Variants in XNDC1N observed in about 807,000 individuals in gnomAD.
The protein encoded by XNDC1N is XRCC1 N-terminal domain containing 1, N-terminal like.
At chr11:71,915,492 C>G in the XNDC1N span, among the ~76,000 whole-genome samples, 4 of 151,678 alleles carry the variant, frequency 2.6e-5, no homozygotes, top group Non-Finnish European at 5.9e-5. Flanking sequence ...ACTGAAGGTT[C>G]AGAAAATTGT....
At chr11:71,927,589 C>T in the XNDC1N span, 7 of 151,302 alleles carry the variant, frequency 4.6e-5, no homozygotes, top group Admixed American at 3.9e-4. Context: ...ATAGTCATGG[C>T]TACATATAAT....
the XNDC1N span, among the ~76,000 whole-genome samples, chr11:71,899,599 A>G: frequency 1.3e-5 from 2 of 152,338 alleles, no homozygotes; most frequent in African/African-American, 4.8e-5. Flanking sequence ...CCTTGTTAAC[A>G]AGATGTTTCC....
the XNDC1N span, among the ~76,000 whole-genome samples, chr11:71,897,092 A>C: frequency 1.3e-5 from 2 of 152,234 alleles, no homozygotes; most frequent in East Asian, 3.8e-4. Context: ...ACTGGATCAG[A>C]GACCTCACCC....
the XNDC1N span, chr11:71,917,624 C>A: frequency 1.4e-6 from 1 of 703,670 alleles, no homozygotes; most frequent in South Asian, 1.5e-5. Flanking sequence ...TCTTTACCAT[C>A]TTTAAACATG....
the XNDC1N span, chr11:71,894,084 G>T: frequency 9.9e-4 from 491 of 495,898 alleles, 7 homozygotes; most frequent in South Asian, 8.9e-3. Context: ...ATAATACTAT[G>T]TTTGGTTTTC....
At chr11:71,869,275 C>T in the XNDC1N span, among the ~76,000 whole-genome samples, 13 of 151,832 alleles carry the variant, frequency 8.6e-5, no homozygotes, top group East Asian at 2.3e-3. Flanking sequence ...TTGTTCAATT[C>T]CCACCTATGA....
At chr11:71,876,299 G>T in the XNDC1N span, among the ~76,000 whole-genome samples, 1 of 152,054 alleles carries the variant, frequency 6.6e-6, no homozygotes, top group Non-Finnish European at 1.5e-5. Context: ...TTGATAGCTT[G>T]ATAGCTATCT....
the XNDC1N span, chr11:71,917,745 A>G: frequency 4.3e-6 from 3 of 703,272 alleles, no homozygotes; most frequent in Admixed American, 6.0e-5. Context: ...AATGGCCCAC[A>G]TCAATTTGCA....
chr11:71,867,371 C>A, the XNDC1N span, among the ~76,000 whole-genome samples: 3 of 152,290 alleles, frequency 2.0e-5, no homozygotes, highest in African/African-American at 4.8e-5. Context: ...GAGGTCATGA[C>A]AACCCACTAG....
chr11:71,912,864 T>A, the XNDC1N span, among the ~76,000 whole-genome samples: 1,868 of 152,184 alleles, frequency 0.012, 14 homozygotes, highest in Non-Finnish European at 0.019. Flanking sequence ...AGTATCATCC[T>A]CTCCCCCTTG....
the XNDC1N span, among the ~76,000 whole-genome samples, chr11:71,873,668 T>A: frequency 6.6e-6 from 1 of 152,058 alleles, no homozygotes; most frequent in East Asian, 1.9e-4. Flanking sequence ...TTTGAAATGT[T>A]TATGGAAGAG....
chr11:71,875,890 G>T, the XNDC1N span, among the ~76,000 whole-genome samples: 1 of 152,146 alleles, frequency 6.6e-6, no homozygotes, highest in African/African-American at 2.4e-5. Flanking sequence ...GTTGGGTGTG[G>T]TGGCACACAC....
the XNDC1N span, chr11:71,894,207 AGTT>A: frequency 1.5e-6 from 1 of 689,200 alleles, no homozygotes; most frequent in Non-Finnish European, 2.1e-6. Context: ...CTCACCTAGC[AGTT>A]GTTTGCTGAT....
At chr11:71,882,350 G>A in the XNDC1N span, among the ~76,000 whole-genome samples, 1 of 152,042 alleles carries the variant, frequency 6.6e-6, no homozygotes, top group African/African-American at 2.4e-5. Context: ...TCCGCTTCCT[G>A]GGTCCAAGCA....
the XNDC1N span, among the ~76,000 whole-genome samples, chr11:71,891,387 A>T: frequency 4.6e-5 from 7 of 152,106 alleles, no homozygotes; most frequent in East Asian, 1.4e-3. Flanking sequence ...TGGGAGTAAG[A>T]TCATCCTCTC....
chr11:71,868,309 G>C, the XNDC1N span, among the ~76,000 whole-genome samples: 10 of 152,194 alleles, frequency 6.6e-5, no homozygotes, highest in Non-Finnish European at 5.9e-5. Context: ...TATGTGTGGA[G>C]TTGATCCTGT....
chr11:71,913,684 A>AAAAAG, the XNDC1N span, among the ~76,000 whole-genome samples: 3 of 150,752 alleles, frequency 2.0e-5, no homozygotes, highest in Non-Finnish European at 4.4e-5. Flanking sequence ...AAAAAAAAAA[A>AAAAAG]AAAAGAAAAA....
chr11:71,866,056 C>T, the XNDC1N span, among the ~76,000 whole-genome samples: 26 of 152,064 alleles, frequency 1.7e-4, no homozygotes, highest in Middle Eastern at 0.014. Context: ...GACAGCTTCA[C>T]GTATAAAATA....
the XNDC1N span, among the ~76,000 whole-genome samples, chr11:71,889,051 C>A: frequency 6.6e-6 from 1 of 152,182 alleles, no homozygotes; most frequent in East Asian, 1.9e-4. Context: ...AGGGGTAACC[C>A]TGGACACTGT....
Sources: gnomAD v4.1 joint callset for allele counts (sites outside exome capture counted in the v4.1 genomes callset) on GRCh38, gnomAD v4.1.1 for gene constraint, MANE v1.5 for transcripts, NCBI Gene and HGNC (gene_info 2026-07-23, HGNC 2026-07-21) for gene names.